Variants in ZNF711 observed in about 807,000 individuals in gnomAD.
The protein encoded by ZNF711 is zinc finger protein 711.
ZNF711 carries 3 observed loss-of-function variants against 43.5 expected under a neutral mutation model. That is an observed-to-expected ratio of 0.07 (90% CI 0.03 to 0.18). ZNF711 has a LOEUF of 0.18. ZNF711 is among the 10% of genes least tolerant of loss of function. The pLI is 1.00. For missense variants in ZNF711, 412 were observed against 604.0 expected, an observed-to-expected ratio of 0.68 and a Z score of 3.33; for synonymous variants, 209 against 207.7, an observed-to-expected ratio of 1.01 and a Z score of -0.06.
chrX:85,260,646 A>C (rs1213312188), intron 5 of ZNF711, among the ~76,000 whole-genome samples: 5 of 107,991 alleles, frequency 4.6e-5, no homozygotes, highest in African/African-American at 1.7e-4. Flanking sequence ...GCCTGTATAG[A>C]TTTGCCTATC....
rs1358055003 is a variant in ZNF711, at chrX:85,273,171, C to T, written c.*1343C>T. 4 of 111,506 alleles carry T rather than the reference C, an allele frequency of 3.6e-5. No homozygotes were observed. Among genetic ancestry groups the T allele is most frequent in the African/African-American group, 1.3e-4 (4 of 30,663 alleles). 9.2% of individuals were successfully genotyped at this position (111,506 alleles called of 1,213,427 possible). A position where few individuals can be genotyped will look rare whatever the true frequency, so the allele number is the denominator to read the frequency against. On this transcript the variant is annotated 3_prime_UTR_variant, in exon 11 of 11. Coordinates refer to ENST00000674551, the MANE Select transcript of ZNF711 (RefSeq NM_001330574.2). Reference sequence around the variant, plus strand: ...TTTTTGCACCAGATAAGAATCAGTTCCTTGAGAATAAATTTTTTATCTTTC... The same window carrying T: ...TTTTTGCACCAGATAAGAATCAGTTTCTTGAGAATAAATTTTTTATCTTTC...
chrX:85,246,617 A>T (rs1929072252), intron 2 of ZNF711, among the ~76,000 whole-genome samples: 1 of 112,379 alleles, frequency 8.9e-6, no homozygotes, highest in African/African-American at 3.2e-5. Context: ...AGTGCCTTAT[A>T]AAATTGACAG....
At chrX:85,270,171 T>G (rs772111949) in intron 10 of ZNF711, 25 bp downstream of exon 10, 2 of 1,188,784 alleles carry the variant, frequency 1.7e-6, no homozygotes, top group Non-Finnish European at 2.3e-6. Flanking sequence ...TTATGAATAT[T>G]ATAATTATTT....
chrX:85,272,430 G>T lies in ZNF711; in HGVS notation c.*602G>T, dbSNP rs1216082840. On this transcript the variant is annotated 3_prime_UTR_variant, in exon 11 of 11. Transcript: ENST00000674551. ...CTGTTAATATTTTATCACAGGATAG[G>T]ATACTTAAAATATAGCATTCTGTGC... 8.9e-6 allele frequency: 1 copy of T among 112,624 alleles called. No homozygotes were observed. Among genetic ancestry groups the T allele is most frequent in the East Asian group, 2.8e-4 (1 of 3,549 alleles). The allele number at this position is 112,624 out of a possible 1,213,427, so 9.3% of individuals were successfully genotyped here.
chrX:85,248,472 C>CAA (rs1166126484), intron 4 of ZNF711, among the ~76,000 whole-genome samples: 3,839 of 19,505 alleles, frequency 0.2, 376 homozygotes, highest in Non-Finnish European at 0.29. Context: ...GACTCAGTCT[C>CAA]AAAAAAAAAA....
At chrX:85,255,212 A>G (rs779026076) in intron 4 of ZNF711, 47 bp from the exon 5 acceptor site, 33 of 1,121,296 alleles carry the variant, frequency 2.9e-5, no homozygotes, top group Non-Finnish European at 3.7e-5. Context: ...AGTACTCTAA[A>G]TTAATAAAAT....
chrX:85,266,896 C>T (rs1468376528), intron 7 of ZNF711, among the ~76,000 whole-genome samples: 1 of 105,708 alleles, frequency 9.5e-6, no homozygotes, highest in African/African-American at 3.4e-5. Flanking sequence ...ATACAGTATA[C>T]GAGATAGTAT....
rs746505445 is a variant in ZNF711 at position 85,245,880 on chromosome X, T to C, written c.-405-23T>C. On this transcript the variant is annotated intron_variant, in intron 1 of 10. Transcript: ENST00000674551. ...GTTTAAAATATTTTAAAGTATCTGA[T>C]TTTGAATGTATTTTTATAATAGGTA... 2.7e-5 allele frequency: 3 copies of C among 111,739 alleles called. No homozygotes were observed. In the South Asian group the frequency reaches 1.1e-3, roughly 41 times the overall value. The allele number at this position is 111,739 out of a possible 1,213,427, so 9.2% of individuals were successfully genotyped here.
chrX:85,260,079 G>C (rs759468523), intron 5 of ZNF711, among the ~76,000 whole-genome samples: 2 of 111,362 alleles, frequency 1.8e-5, no homozygotes, highest in East Asian at 5.7e-4. Flanking sequence ...CTAGTTTCTT[G>C]AGGGTTTTTA....
Position 85,247,633 on chromosome X carries a change from A to G in ZNF711, c.61A>G (p.Met21Val), listed in dbSNP as rs1381801436. The G allele has an allele frequency of 1.7e-6, 2 of 1,209,426 alleles. No individual in the cohort carries two copies. The highest frequency in any genetic ancestry group is 1.1e-6 in the Non-Finnish European group (1 of 893,203). Residue 21 changes from methionine (M) to valine (V), a missense_variant, in exon 4 of 11, where the codon ATG (methionine) becomes GTG (valine). Met to Val is a conservative substitution (Grantham distance 21). This residue lies in a region of ZNF711 where 375 missense variants were observed against 514.2 expected (regional missense o/e 0.73). Coordinates refer to ENST00000674551, the MANE Select transcript of ZNF711 (RefSeq NM_001330574.2). Reference protein sequence around the residue: ...HTPDSRMAHTMIMQDFVAGMA... With the variant: ...HTPDSRMAHTVIMQDFVAGMA... ...GCCAGACTCTAGAATGGCCCATACC[A>G]TGATTATGCAAGATTTTGGTAAAGC...
chrX:85,270,258 T>C, intron 10 of ZNF711, 112 bp downstream of exon 10: 2 of 809,756 alleles, frequency 2.5e-6, no homozygotes, highest in Non-Finnish European at 1.8e-6. Flanking sequence ...CATGTACCTG[T>C]TTGTGTATGC....
At position 85,264,365 on chromosome X, in the gene ZNF711, G is replaced by A; in HGVS notation, c.713G>A (p.Gly238Glu). The change falls in exon 6 of 11, where the codon GGG (glycine) becomes GAG (glutamate). Residue 238 changes from glycine to glutamate, a missense_variant. Physicochemically the swap from Gly to Glu is moderately conservative, Grantham distance 98 (BLOSUM62 -2). Coordinates refer to ENST00000674551, the MANE Select transcript of ZNF711 (RefSeq NM_001330574.2). ...DGSQEDAKED[G>E]FGSEVIKVYI... Reference sequence around the variant, plus strand: ...TCACAAGAAGATGCTAAAGAAGATGGGTTTGGTTCTGAAGTTATAAAAGTG... The same window carrying A: ...TCACAAGAAGATGCTAAAGAAGATGAGTTTGGTTCTGAAGTTATAAAAGTG... 2 of 1,207,385 alleles carry A rather than the reference G, an allele frequency of 1.7e-6. No homozygotes were observed. The highest frequency in any genetic ancestry group is 2.2e-6 in the Non-Finnish European group (2 of 892,665).
chrX:85,244,148 AGCG>A lies in ZNF711; in HGVS notation c.-440_-438del. 1 of 134,633 alleles carries A rather than the reference AGCG, an allele frequency of 7.4e-6. No homozygotes were observed. The highest frequency in any genetic ancestry group is 1.3e-5 in the Non-Finnish European group (1 of 74,296). The allele number at this position is 134,633 out of a possible 1,213,427, so 11.1% of individuals were successfully genotyped here. A position where few individuals can be genotyped will look rare whatever the true frequency, so the allele number is the denominator to read the frequency against. On this transcript the variant is annotated 5_prime_UTR_variant, in exon 1 of 11. Coordinates refer to ENST00000674551, the MANE Select transcript of ZNF711 (RefSeq NM_001330574.2). ...AGGCGGCGGCGGCGGCGGCGGCGGC[AGCG>A]GCGGCGGCAGCGGCGGCGGCAGCTG...
At chrX:85,265,027 T>G (rs905698907) in intron 6 of ZNF711, 91 bp from the exon 7 acceptor site, 7 of 835,462 alleles carry the variant, frequency 8.4e-6, no homozygotes, top group Non-Finnish European at 1.2e-5. Context: ...TTTATTTTTT[T>G]TCTAAGAAAT....
intron 6 of ZNF711, 86 bp from the exon 7 acceptor site, chrX:85,265,032 A>C (rs1930978334): frequency 2.3e-6 from 2 of 859,026 alleles, no homozygotes; most frequent in Non-Finnish European, 3.3e-6. Flanking sequence ...TTTTTTTCTA[A>C]GAAATATTTC....
At chrX:85,249,193 G>C (rs1929327649) in intron 4 of ZNF711, among the ~76,000 whole-genome samples, 1 of 111,644 alleles carries the variant, frequency 9.0e-6, no homozygotes, top group South Asian at 3.7e-4. Flanking sequence ...AAATTCTAGA[G>C]GAAGGATAAT....
chrX:85,264,339 T>C lies in ZNF711; in HGVS notation c.687T>C (p.Gly229=), dbSNP rs1438854319. 8.3e-7 allele frequency: 1 copy of C among 1,206,549 alleles called. No individual in the cohort carries two copies. Among genetic ancestry groups the C allele is most frequent in the Non-Finnish European group, 1.1e-6 (1 of 891,435 alleles). The change falls in exon 6 of 11, where the codon GGT becomes GGC. Residue 229 remains glycine (G), a synonymous_variant. Coordinates refer to ENST00000674551, the MANE Select transcript of ZNF711 (RefSeq NM_001330574.2). ...CACCATTAAAAATTGGCAGTGATGGTTCACAAGAAGATGCTAAAGAAGATG... is the reference window on the plus strand; with the variant it reads ...CACCATTAAAAATTGGCAGTGATGGCTCACAAGAAGATGCTAAAGAAGATG... The part of the protein sequence containing the change: ...GNTPLKIGSD[G]SQEDAKEDGF...
At position 85,249,410 on chromosome X, in the gene ZNF711, C is replaced by G. The variant is rs1369361935; in HGVS notation, c.79+1759C>G. Among the ~76,000 whole-genome samples, 4 of 111,338 alleles carry G rather than the reference C, an allele frequency of 3.6e-5. No individual in the cohort carries two copies. The South Asian group carries it at 1.5e-3, about 42-fold the overall frequency. On this transcript the variant is annotated intron_variant, in intron 4 of 10. Transcript: ENST00000674551. Reference sequence around the variant, plus strand: ...CTCCATTTAATACAAAATATTACCTCTCCTATAGCATTTGATAAAGTGCCA... The same window carrying G: ...CTCCATTTAATACAAAATATTACCTGTCCTATAGCATTTGATAAAGTGCCA...
chrX:85,260,817 C>T (rs776192980), intron 5 of ZNF711, among the ~76,000 whole-genome samples: 1 of 110,661 alleles, frequency 9.0e-6, no homozygotes, highest in African/African-American at 3.3e-5. Flanking sequence ...CCCCGCCCCC[C>T]CTGCTGACAT....
Sources: gnomAD v4.1 joint callset for allele counts (sites outside exome capture counted in the v4.1 genomes callset) on GRCh38, gnomAD v4.1.1 for gene constraint, gnomAD v4.1.1 regional missense constraint, MANE v1.5 for transcripts, NCBI Gene and HGNC (gene_info 2026-07-23, HGNC 2026-07-21) for gene names.